SLC24A3: variants seen among roughly 807,000 people sequenced by gnomAD.
SLC24A3 encodes the protein solute carrier family 24 member 3.
Under a neutral mutation model 75.8 loss-of-function variants are expected in SLC24A3, and 28 were observed. The ratio of observed to expected loss-of-function variants is 0.37; its 90% CI spans 0.27 to 0.51. The LOEUF is 0.51. Among genes scored for constraint, SLC24A3 ranks in the 20% least tolerant of loss-of-function variants. SLC24A3 has a pLI of 0.94. For synonymous variants in SLC24A3, 372 were observed against 334.1 expected, an observed-to-expected ratio of 1.11 and a Z score of -1.24; for missense variants, 663 against 847.8, an observed-to-expected ratio of 0.78 and a Z score of 2.71.
intron 8 of SLC24A3, 109 bp from the exon 9 acceptor site, chr20:19,673,492 C>G: frequency 1.1e-6 from 1 of 903,962 alleles, no homozygotes; most frequent in Admixed American, 1.8e-5. Context: ...CACCGTCTGC[C>G]TTCTCCTTAC....
At chr20:19,432,197 T>A (rs1279849433) in intron 2 of SLC24A3, among the ~76,000 whole-genome samples, 1 of 151,340 alleles carries the variant, frequency 6.6e-6, no homozygotes, top group Non-Finnish European at 1.5e-5. Context: ...CAACCCCCAA[T>A]GCGGGTATCC....
intron 1 of SLC24A3, among the ~76,000 whole-genome samples, chr20:19,226,015 C>T (rs1051697235): frequency 2.0e-5 from 3 of 152,102 alleles, no homozygotes; most frequent in Non-Finnish European, 2.9e-5. Flanking sequence ...AGGGGGAAAA[C>T]GTTTAGTCCT....
intron 6 of SLC24A3, among the ~76,000 whole-genome samples, chr20:19,597,320 G>A (rs1022610218): frequency 1.3e-5 from 2 of 152,158 alleles, no homozygotes; most frequent in Non-Finnish European, 2.9e-5. Context: ...CTGGGTAGTT[G>A]AGGCTGCAGT....
intron 2 of SLC24A3, among the ~76,000 whole-genome samples, chr20:19,487,669 T>C (rs1988148638): frequency 6.6e-6 from 1 of 152,148 alleles, no homozygotes; most frequent in South Asian, 2.1e-4. Flanking sequence ...CCATCTTGAC[T>C]CAATCACAGC....
chr20:19,657,390 C>T (rs1355788600), intron 7 of SLC24A3, among the ~76,000 whole-genome samples: 2 of 152,210 alleles, frequency 1.3e-5, no homozygotes, highest in African/African-American at 4.8e-5. Context: ...TCTTCCCTCA[C>T]CCACAGGTGA....
At chr20:19,633,457 G>A (rs1197289737) in intron 6 of SLC24A3, among the ~76,000 whole-genome samples, 1 of 152,000 alleles carries the variant, frequency 6.6e-6, no homozygotes, top group South Asian at 2.1e-4. Context: ...AGACCATCCC[G>A]GCTAAACCGG....
chr20:19,282,086 G>A (rs911833722), intron 2 of SLC24A3, among the ~76,000 whole-genome samples: 2 of 152,062 alleles, frequency 1.3e-5, no homozygotes, highest in African/African-American at 4.8e-5. Flanking sequence ...GTGTCAGCAC[G>A]GAAGGATATA....
At chr20:19,436,257 C>T (rs1175835216) in intron 2 of SLC24A3, among the ~76,000 whole-genome samples, 4 of 152,102 alleles carry the variant, frequency 2.6e-5, no homozygotes, top group African/African-American at 4.8e-5. Flanking sequence ...CCTTTTTCAA[C>T]GGTTGGGAAT....
chr20:19,531,919 T>A (rs1299142916), intron 3 of SLC24A3, among the ~76,000 whole-genome samples: 1 of 152,134 alleles, frequency 6.6e-6, no homozygotes, highest in Non-Finnish European at 1.5e-5. Context: ...TGCCCCCCCA[T>A]GACAGAAGTA....
intron 2 of SLC24A3, among the ~76,000 whole-genome samples, chr20:19,291,555 C>T (rs558880917): frequency 2.0e-4 from 30 of 152,230 alleles, no homozygotes; most frequent in African/African-American, 4.1e-4. Flanking sequence ...ATCCTACGGA[C>T]GCTTCTGAGG....
intron 1 of SLC24A3, among the ~76,000 whole-genome samples, chr20:19,224,181 G>T (rs1456702874): frequency 6.6e-6 from 1 of 152,000 alleles, no homozygotes; most frequent in Non-Finnish European, 1.5e-5. Context: ...TTTATCACCT[G>T]TGTAGGTTTG....
In SLC24A3 at chr20:19,675,895, C is replaced by T. The variant is rs1460447484; in HGVS notation, c.767+2241C>T. Among the ~76,000 whole-genome samples the T allele has an allele frequency of 2.0e-5, 3 of 152,140 alleles. No homozygotes were observed. The East Asian group carries it at 5.8e-4, about 29-fold the overall frequency. ...AAGTGGGGAAGCCTCAAACTACTGTCTGTGTGTGTACTCACACATCTTCCT... is the reference window on the plus strand; with the variant it reads ...AAGTGGGGAAGCCTCAAACTACTGTTTGTGTGTGTACTCACACATCTTCCT... On this transcript the variant is annotated intron_variant, in intron 9 of 16. Transcript: ENST00000328041.
At chr20:19,620,538 G>A (rs2031789918) in intron 6 of SLC24A3, among the ~76,000 whole-genome samples, 1 of 152,230 alleles carries the variant, frequency 6.6e-6, no homozygotes, top group Non-Finnish European at 1.5e-5. Context: ...CAAAGCAGAA[G>A]TTCACCAGGG....
Position 19,473,436 on chromosome 20 carries a change from G to A in SLC24A3, c.272-42052G>A, listed in dbSNP as rs189668535. ...TAACAATGATGAAATAGCAGTAGTG[G>A]TGGTGGCGGTGGTAATAACAACAGC... is the stretch of plus-strand genomic sequence containing the variant. On this transcript the variant is annotated intron_variant, in intron 2 of 16. Transcript: ENST00000328041. Among the ~76,000 whole-genome samples the A allele has an allele frequency of 1.2e-3, 177 of 152,388 alleles. 1 individual carries two copies. Among genetic ancestry groups the A allele is most frequent in the Admixed American group, 2.8e-3 (43 of 15,306 alleles).
At chr20:19,342,954 C>G (rs1404209105) in intron 2 of SLC24A3, among the ~76,000 whole-genome samples, 1 of 151,056 alleles carries the variant, frequency 6.6e-6, no homozygotes, top group Non-Finnish European at 1.5e-5. Flanking sequence ...CCTGTAGTCC[C>G]AGCTACTCGG....
intron 2 of SLC24A3, among the ~76,000 whole-genome samples, chr20:19,370,258 A>ATTTTTGATGATT (rs1985969368): frequency 6.6e-6 from 1 of 152,242 alleles, no homozygotes; most frequent in African/African-American, 2.4e-5. Flanking sequence ...CTTTCTGCTC[A>ATTTTTGATGATT]CACATCATTT....
intron 3 of SLC24A3, among the ~76,000 whole-genome samples, chr20:19,576,415 C>T (rs1448075962): frequency 2.6e-5 from 4 of 152,102 alleles, no homozygotes; most frequent in Admixed American, 2.6e-4. Context: ...AACCTGTTTT[C>T]CAGTGAGTAA....
intron 7 of SLC24A3, among the ~76,000 whole-genome samples, chr20:19,656,055 A>G (rs145610299): frequency 2.6e-5 from 4 of 152,208 alleles, no homozygotes; most frequent in Non-Finnish European, 5.9e-5. Context: ...TAAAGGGTCT[A>G]CTCACCTGTT....
At chr20:19,229,200 A>G (rs547404824) in intron 1 of SLC24A3, among the ~76,000 whole-genome samples, 2 of 152,300 alleles carry the variant, frequency 1.3e-5, no homozygotes, top group East Asian at 3.9e-4. Flanking sequence ...TTGAGATCAT[A>G]TAAACTTTTC....
Sources: gnomAD v4.1 joint callset for allele counts (sites outside exome capture counted in the v4.1 genomes callset) on GRCh38, gnomAD v4.1.1 for gene constraint, MANE v1.5 for transcripts, NCBI Gene and HGNC (gene_info 2026-07-23, HGNC 2026-07-21) for gene names.